Variants in LSAMP observed in about 807,000 individuals in gnomAD.
LSAMP encodes the protein limbic system associated membrane protein, also known as limbic system-associated membrane protein.
In LSAMP, 7 loss-of-function variants were observed where a neutral mutation model predicts 38.6. The observed-to-expected ratio is 0.18, with a 90% confidence interval of 0.10 to 0.34. The LOEUF is 0.34. Ranked by LOEUF, LSAMP falls within the 10% of genes least tolerant of loss-of-function variation. LSAMP has a pLI of 1.00. For missense variants in LSAMP, 313 were observed against 420.0 expected (o/e 0.75, Z 2.23); for synonymous variants, 154 against 166.8 (o/e 0.92, Z 0.59).
At chr3:115,940,146 C>T (rs527663441) in intron 3 of LSAMP, among the ~76,000 whole-genome samples, 2 of 152,206 alleles carry the variant, frequency 1.3e-5, no homozygotes, top group South Asian at 2.1e-4. Flanking sequence ...CACAGACCTT[C>T]GCAGTGAGTG....
chr3:116,051,832 T>C (rs900031390), intron 2 of LSAMP, among the ~76,000 whole-genome samples: 2 of 151,890 alleles, frequency 1.3e-5, no homozygotes, highest in Non-Finnish European at 2.9e-5. Context: ...TGCAGGGGGC[T>C]GGGGAGGGGG....
intron 2 of LSAMP, among the ~76,000 whole-genome samples, chr3:116,053,162 C>T (rs757646581): frequency 2.6e-5 from 4 of 152,212 alleles, no homozygotes; most frequent in African/African-American, 7.2e-5. Context: ...GCCCTGACTA[C>T]AAGGATGCTG....
chr3:116,166,603 T>C (rs1160138883), intron 1 of LSAMP, among the ~76,000 whole-genome samples: 1 of 152,156 alleles, frequency 6.6e-6, no homozygotes, highest in Non-Finnish European at 1.5e-5. Flanking sequence ...TATGTACATA[T>C]ATATGTATGC....
intron 1 of LSAMP, among the ~76,000 whole-genome samples, chr3:116,379,491 C>T (rs531992450): frequency 1.3e-5 from 2 of 152,030 alleles, no homozygotes; most frequent in South Asian, 4.2e-4. Flanking sequence ...GCAGAAATGT[C>T]AATTTTAACA....
chr3:116,211,290 T>C (rs527693099), intron 1 of LSAMP, among the ~76,000 whole-genome samples: 1 of 152,330 alleles, frequency 6.6e-6, no homozygotes, highest in South Asian at 2.1e-4. Context: ...ATGACTATAG[T>C]TCATAACAAT....
intron 1 of LSAMP, among the ~76,000 whole-genome samples, chr3:116,274,527 T>C (rs1000710631): frequency 1.3e-5 from 2 of 152,186 alleles, no homozygotes; most frequent in African/African-American, 4.8e-5. Context: ...AACCATGTGC[T>C]ATAATTTCAG....
chr3:116,285,165 C>T (rs2047176537), intron 1 of LSAMP, among the ~76,000 whole-genome samples: 1 of 152,096 alleles, frequency 6.6e-6, no homozygotes, highest in Non-Finnish European at 1.5e-5. Flanking sequence ...GTTCTGAACT[C>T]CCTTCAACTT....
intron 1 of LSAMP, among the ~76,000 whole-genome samples, chr3:116,273,703 T>TA: frequency 7.9e-6 from 1 of 127,084 alleles, no homozygotes; most frequent in African/African-American, 3.6e-5. Context: ...TATATATATA[T>TA]ATATACACAC....
chr3:116,354,352 A>G (rs1277611742), intron 1 of LSAMP, among the ~76,000 whole-genome samples: 1 of 152,112 alleles, frequency 6.6e-6, no homozygotes, highest in Admixed American at 6.6e-5. Flanking sequence ...GCTATTTATA[A>G]CCACCTTGTT....
chr3:116,299,540 C>A (rs1474119674), intron 1 of LSAMP, among the ~76,000 whole-genome samples: 1 of 152,158 alleles, frequency 6.6e-6, no homozygotes, highest in Non-Finnish European at 1.5e-5. Flanking sequence ...AATAGCAATA[C>A]AAATATAAAT....
chr3:116,000,285 C>G (rs971335124), intron 3 of LSAMP, among the ~76,000 whole-genome samples: 1 of 152,118 alleles, frequency 6.6e-6, no homozygotes, highest in East Asian at 1.9e-4. Flanking sequence ...TTAATCATCA[C>G]AACAACCTGA....
Position 115,806,270 on chromosome 3 carries a change from A to G in LSAMP, c.*4047T>C, listed in dbSNP as rs1290210173. ...CTTTTAAGATCAAAACATTATTCTT[A>G]ATTTGTCTTATAATACATACATTAT... On this transcript the variant is annotated 3_prime_UTR_variant, in exon 7 of 7. Coordinates refer to ENST00000490035, the MANE Select transcript of LSAMP (RefSeq NM_002338.5). The G allele has an allele frequency of 6.6e-6, 1 of 152,218 alleles. No individual in the cohort carries two copies. The highest frequency in any genetic ancestry group is 1.5e-5 in the Non-Finnish European group (1 of 68,028). 9.4% of individuals were successfully genotyped at this position (152,218 alleles called of 1,614,324 possible). A position where few individuals can be genotyped will look rare whatever the true frequency, so the allele number is the denominator to read the frequency against.
In LSAMP at chr3:116,329,324, G is replaced by A. The variant is rs527423425; in HGVS notation, c.155+115553C>T. ...GTGTAAGTAGAGAAGTTCACATGCAGTGTCTTTTAAAATTCAAGTATAATT... is the reference window on the plus strand; with the variant it reads ...GTGTAAGTAGAGAAGTTCACATGCAATGTCTTTTAAAATTCAAGTATAATT... On this transcript the variant is annotated intron_variant, in intron 1 of 6. Transcript: ENST00000490035. Among the ~76,000 whole-genome samples the A allele has an allele frequency of 1.0e-3, 158 of 152,226 alleles. 2 individuals carry two copies. Among genetic ancestry groups the A allele is most frequent in the Middle Eastern group, 6.8e-3 (2 of 294 alleles).
At chr3:115,964,028 C>T (rs532450074) in intron 3 of LSAMP, among the ~76,000 whole-genome samples, 1 of 152,288 alleles carries the variant, frequency 6.6e-6, no homozygotes, top group African/African-American at 2.4e-5. Flanking sequence ...GCTGTGATTA[C>T]AGGTGTAAGC....
intron 6 of LSAMP, among the ~76,000 whole-genome samples, chr3:115,832,367 T>C (rs1435985223): frequency 6.6e-6 from 1 of 152,154 alleles, no homozygotes; most frequent in African/African-American, 2.4e-5. Flanking sequence ...ACAATTGATA[T>C]TTTAGGAATG....
At position 115,928,962 on chromosome 3, in the gene LSAMP, G is replaced by A. The variant is rs576599388; in HGVS notation, c.515-76345C>T. On this transcript the variant is annotated intron_variant, in intron 3 of 6. Transcript: ENST00000490035. ...ATGTGACTTATGGCTTATCATGCAGGTTTTTTGTTTGTTTTTTTTTTTTTT... is the reference window on the plus strand; with the variant it reads ...ATGTGACTTATGGCTTATCATGCAGATTTTTTGTTTGTTTTTTTTTTTTTT... 3.5e-4 allele frequency among the ~76,000 whole-genome samples: 34 copies of A among 97,844 alleles called. No homozygotes were observed. The Admixed American group carries it at 4.0e-3, about 12-fold the overall frequency. The allele number at this position is 97,844 out of a possible 152,430, so 64.2% of individuals were successfully genotyped here. A position where few individuals can be genotyped will look rare whatever the true frequency, so the allele number is the denominator to read the frequency against.
At chr3:116,218,106 C>T (rs1252492441) in intron 1 of LSAMP, among the ~76,000 whole-genome samples, 3 of 151,980 alleles carry the variant, frequency 2.0e-5, no homozygotes, top group Admixed American at 1.3e-4. Context: ...AAGACAATTC[C>T]GAAGAGTTCG....
intron 1 of LSAMP, among the ~76,000 whole-genome samples, chr3:116,166,935 C>G (rs569288224): frequency 6.6e-6 from 1 of 151,592 alleles, no homozygotes; most frequent in East Asian, 1.9e-4. Flanking sequence ...GGACTACAGG[C>G]GCCCGCCACC....
chr3:116,177,869 G>T lies in LSAMP; in HGVS notation c.156-91313C>A, dbSNP rs531116978. Among the ~76,000 whole-genome samples, 3 of 152,256 alleles carry T rather than the reference G, an allele frequency of 2.0e-5. No individual in the cohort carries two copies. The South Asian group carries it at 6.2e-4, about 32-fold the overall frequency. On this transcript the variant is annotated intron_variant, in intron 1 of 6. Coordinates refer to ENST00000490035, the MANE Select transcript of LSAMP (RefSeq NM_002338.5). ...AAAAAAATGTCCCTGACTTGTAAAAGCTCACAGTCTAAATGGAGAGAATTA... is the reference window on the plus strand; with the variant it reads ...AAAAAAATGTCCCTGACTTGTAAAATCTCACAGTCTAAATGGAGAGAATTA...
Sources: allele counts gnomAD v4.1 joint callset (sites outside exome capture counted in the v4.1 genomes callset), GRCh38; gene constraint gnomAD v4.1.1; transcripts MANE v1.5; gene names NCBI Gene and HGNC (gene_info 2026-07-23, HGNC 2026-07-21).